The following PALLD variants were observed in gnomAD, a reference collection of about 807,000 sequenced individuals.
PALLD encodes the protein palladin.
A neutral mutation model predicts 123.5 loss-of-function variants in PALLD; 61 were observed. That is an observed-to-expected ratio of 0.49 (90% CI 0.40 to 0.61). The LOEUF is 0.61. PALLD is among the 20% of genes least tolerant of loss of function. The pLI is 0.00. For synonymous variants in PALLD, 465 were observed against 496.4 expected (o/e 0.94, Z 0.84); for missense variants, 1,273 against 1,377.0 (o/e 0.92, Z 1.20).
intron 10 of PALLD, among the ~76,000 whole-genome samples, chr4:168,736,380 C>T (rs1581207940): frequency 6.6e-6 from 1 of 152,104 alleles, no homozygotes; most frequent in Non-Finnish European, 1.5e-5. Context: ...TTAGCCTTTC[C>T]TTCATGATTA....
At chr4:168,685,591 T>C in intron 6 of PALLD, 32 bp downstream of exon 6, 1 of 1,429,352 alleles carries the variant, frequency 7.0e-7, no homozygotes, top group Non-Finnish European at 9.9e-7. Flanking sequence ...TTCTCTGTGT[T>C]TGCTTTGGTC....
intron 10 of PALLD, among the ~76,000 whole-genome samples, chr4:168,822,229 T>C (rs1338697171): frequency 2.0e-5 from 3 of 152,028 alleles, no homozygotes; most frequent in Non-Finnish European, 4.4e-5. Flanking sequence ...AGCTTAGGAA[T>C]TGTTTTACAT....
chr4:168,751,248 G>C, intron 10 of PALLD, among the ~76,000 whole-genome samples: 1 of 152,122 alleles, frequency 6.6e-6, no homozygotes, highest in East Asian at 1.9e-4. Context: ...CCAACCTCAG[G>C]TGATCTGCCC....
chr4:168,588,791 A>G (rs1771107638), intron 2 of PALLD, among the ~76,000 whole-genome samples: 3 of 152,176 alleles, frequency 2.0e-5, no homozygotes, highest in Admixed American at 1.3e-4. Context: ...AAATGTACAA[A>G]GAGCAAAATG....
At chr4:168,750,806 A>T (rs1730957528) in intron 10 of PALLD, among the ~76,000 whole-genome samples, 1 of 152,156 alleles carries the variant, frequency 6.6e-6, no homozygotes, top group African/African-American at 2.4e-5. Flanking sequence ...CTCCAGAAAG[A>T]CTTTCCTAAT....
At chr4:168,746,831 G>C (rs192448341) in intron 10 of PALLD, among the ~76,000 whole-genome samples, 2 of 152,144 alleles carry the variant, frequency 1.3e-5, no homozygotes, top group East Asian at 1.9e-4. Flanking sequence ...AAGGGGTTGA[G>C]ACAATAGTTG....
At chr4:168,762,523 C>A (rs183251397) in intron 10 of PALLD, among the ~76,000 whole-genome samples, 30 of 152,232 alleles carry the variant, frequency 2.0e-4, no homozygotes, top group Non-Finnish European at 4.4e-5. Flanking sequence ...AGTCAGGAAA[C>A]AACAGATGCT....
chr4:168,869,882 G>T lies in PALLD; in HGVS notation c.1965-21040G>T, dbSNP rs1359334267. Among the ~76,000 whole-genome samples the T allele has an allele frequency of 6.6e-6, 1 of 152,124 alleles. No individual in the cohort carries two copies. The highest frequency in any genetic ancestry group is 2.4e-5 in the African/African-American group (1 of 41,408). ...AGAGGAGTGTAAAGTTTAGATCTTG[G>T]TAAGGTACCCATATTTAGAGAGATG... On this transcript the variant is annotated intron_variant, in intron 10 of 21. Coordinates refer to ENST00000505667, the MANE Select transcript of PALLD (RefSeq NM_001166108.2). The surrounding 1 kb of genome is among the most constrained non-coding windows in gnomAD (Gnocchi z 4.5).
At chr4:168,780,096 A>C (rs1414098963) in intron 10 of PALLD, among the ~76,000 whole-genome samples, 1 of 152,006 alleles carries the variant, frequency 6.6e-6, no homozygotes, top group African/African-American at 2.4e-5. Flanking sequence ...ATGGGGTTTC[A>C]CCATGTTAGC....
At chr4:168,603,671 T>A (rs1023891327) in intron 2 of PALLD, among the ~76,000 whole-genome samples, 1 of 152,182 alleles carries the variant, frequency 6.6e-6, no homozygotes, top group African/African-American at 2.4e-5. Flanking sequence ...GGTGTCATTC[T>A]CTTCGTTAAA....
At chr4:168,656,965 C>T (rs1317546135) in intron 2 of PALLD, among the ~76,000 whole-genome samples, 3 of 152,140 alleles carry the variant, frequency 2.0e-5, no homozygotes, top group African/African-American at 4.8e-5. Flanking sequence ...ACTCTGAAAC[C>T]GAGTTGGGGA....
chr4:168,872,035 C>T (rs1366601079), intron 10 of PALLD, among the ~76,000 whole-genome samples: 4 of 152,206 alleles, frequency 2.6e-5, no homozygotes, highest in Non-Finnish European at 5.9e-5. Flanking sequence ...CACATTGCTA[C>T]TGACCCTTGA....
chr4:168,505,770 G>C (rs930166799), intron 1 of PALLD, among the ~76,000 whole-genome samples: 1 of 152,190 alleles, frequency 6.6e-6, no homozygotes, highest in Non-Finnish European at 1.5e-5. Context: ...TCCATTATTA[G>C]CCATTATCAT....
Position 168,668,307 on chromosome 4 carries a change from C to T in PALLD, c.1026C>T (p.Tyr342=), listed in dbSNP as rs1779851502. 1.5e-5 allele frequency: 25 copies of T among 1,613,506 alleles called. No homozygotes were observed. The highest frequency in any genetic ancestry group is 2.1e-5 in the Non-Finnish European group (25 of 1,179,540). ...CCTTTGAGGACGACACAGGTCGCTA[C>T]ACCTGTTTGGCTACGAATCCCAGCG... ...AEAFEDDTGR[Y]TCLATNPSGS... Residue 342 remains tyrosine (Y), a synonymous_variant, in exon 3 of 22, where the codon TAC becomes TAT. Transcript: ENST00000505667.
At chr4:168,763,913 G>C (rs1382763906) in intron 10 of PALLD, among the ~76,000 whole-genome samples, 2 of 152,134 alleles carry the variant, frequency 1.3e-5, no homozygotes, top group African/African-American at 4.8e-5. Flanking sequence ...ACATGGTCTT[G>C]TATTAAATCA....
At chr4:168,626,760 A>ATAT (rs1775341146) in intron 2 of PALLD, among the ~76,000 whole-genome samples, 1 of 152,092 alleles carries the variant, frequency 6.6e-6, no homozygotes, top group Non-Finnish European at 1.5e-5. Context: ...ATACAATGGA[A>ATAT]TATTATTCAG....
At chr4:168,783,046 ATGTGTG>A (rs150595576) in intron 10 of PALLD, among the ~76,000 whole-genome samples, 178 of 116,168 alleles carry the variant, frequency 1.5e-3, no homozygotes, top group African/African-American at 4.7e-3. Flanking sequence ...TTATATATAT[ATGTGTG>A]TGTGTGTGTG....
intron 5 of PALLD, among the ~76,000 whole-genome samples, chr4:168,684,535 T>C (rs1385311607): frequency 6.6e-6 from 1 of 152,196 alleles, no homozygotes; most frequent in Non-Finnish European, 1.5e-5. Context: ...ATGATAACAC[T>C]ATGTATCTCA....
At chr4:168,639,509 C>A (rs955864893) in intron 2 of PALLD, among the ~76,000 whole-genome samples, 1 of 151,964 alleles carries the variant, frequency 6.6e-6, no homozygotes, top group African/African-American at 2.4e-5. Context: ...CCTGTTCACT[C>A]CTCAATAGGC....
Sources: allele counts gnomAD v4.1 joint callset (sites outside exome capture counted in the v4.1 genomes callset), GRCh38; gene constraint gnomAD v4.1.1; non-coding constraint Gnocchi (gnomAD v3.1); transcripts MANE v1.5; gene names NCBI Gene and HGNC (gene_info 2026-07-23, HGNC 2026-07-21).